Variants in PRR11 observed in about 807,000 individuals in gnomAD.
PRR11 encodes proline rich 11.
In PRR11, 30 loss-of-function variants were observed where a neutral mutation model predicts 45.6. The observed-to-expected ratio is 0.66, with a 90% CI of 0.49 to 0.89. The LOEUF (loss-of-function observed/expected upper bound fraction) is 0.89, where lower values mean the gene tolerates loss of function less well. PRR11 is among the 40% of genes least tolerant of loss of function. PRR11 has a pLI of 0.00. For missense variants in PRR11, 373 were observed against 424.8 expected (o/e 0.88, Z 1.07); for synonymous variants, 128 against 153.5 (o/e 0.83, Z 1.23).
rs540624156 is a variant in PRR11 at position 59,179,582 on chromosome 17, G to T, written c.129-5472G>T. 2.2e-3 allele frequency: 3,213 copies of T among 1,486,678 alleles called. 9 individuals carry two copies. The highest frequency in any genetic ancestry group is 2.5e-3 in the Non-Finnish European group (2,729 of 1,100,732). 92.1% of individuals were successfully genotyped at this position (1,486,678 alleles called of 1,614,324 possible). ...CATATTTTTCCCATTGGAAAAGTGT[G>T]GTTATTGGAAGTTTCCTCTTTTTTA... On this transcript the variant is annotated intron_variant, in intron 2 of 9. Coordinates refer to ENST00000262293, the MANE Select transcript of PRR11 (RefSeq NM_018304.4).
At chr17:59,179,733 G>C (rs1056810353) in intron 2 of PRR11, 1 of 1,413,392 alleles carries the variant, frequency 7.1e-7, no homozygotes, top group Non-Finnish European at 9.8e-7. Context: ...AGCCCACACA[G>C]CGTCTCCGCC....
rs151332806 is a variant in PRR11, at chr17:59,177,363, A to G, written c.128+7483A>G. 1.2e-3 allele frequency: 635 copies of G among 531,100 alleles called. 5 individuals carry two copies. Among genetic ancestry groups the G allele is most frequent in the African/African-American group, 0.011 (589 of 52,024 alleles). The allele number at this position is 531,100 out of a possible 1,614,324, so 32.9% of individuals were successfully genotyped here. A position where few individuals can be genotyped will look rare whatever the true frequency, so the allele number is the denominator to read the frequency against. Reference sequence around the variant, plus strand: ...GGAGGGTTTGCCCATCAGAGAAGGGACCTGAGTGTTGGGGTGACTGTGCTC... The same window carrying G: ...GGAGGGTTTGCCCATCAGAGAAGGGGCCTGAGTGTTGGGGTGACTGTGCTC... On this transcript the variant is annotated intron_variant, in intron 2 of 9. Coordinates refer to ENST00000262293, the MANE Select transcript of PRR11 (RefSeq NM_018304.4).
Position 59,195,248 on chromosome 17 carries a change from C to G in PRR11, c.745-83C>G, listed in dbSNP as rs2046860089. On this transcript the variant is annotated intron_variant, in intron 6 of 9. Coordinates refer to ENST00000262293, the MANE Select transcript of PRR11 (RefSeq NM_018304.4). ...ATATATCTTACACAAACTCAGCACT[C>G]AGATATTTGCCGTTTTTGCATGTTT... is the stretch of plus-strand genomic sequence containing the variant. 3.8e-6 allele frequency: 4 copies of G among 1,048,332 alleles called. No homozygotes were observed. In the East Asian group the frequency reaches 1.0e-4, roughly 27 times the overall value. The allele number at this position is 1,048,332 out of a possible 1,614,324, so 64.9% of individuals were successfully genotyped here.
At chr17:59,164,158 T>C (rs1400035820) in intron 1 of PRR11, among the ~76,000 whole-genome samples, 3 of 152,326 alleles carry the variant, frequency 2.0e-5, no homozygotes, top group African/African-American at 7.2e-5. Context: ...TTGAGTATTG[T>C]CTATGACTGC....
At chr17:59,181,501 GTCC>G (rs2046786415) in intron 2 of PRR11, 1 of 1,134,686 alleles carries the variant, frequency 8.8e-7, no homozygotes, top group Admixed American at 1.8e-5. Context: ...TCTCTGGGGT[GTCC>G]TCCTACCAAG....
chr17:59,176,684 CTTTTTTTTTTTTTTTTTTT>C (rs71367676), intron 2 of PRR11, among the ~76,000 whole-genome samples: 6 of 39,004 alleles, frequency 1.5e-4, no homozygotes, highest in Non-Finnish European at 2.7e-4. Flanking sequence ...GTTTTTTTGG[CTTTTTTTTTTTTTTTTTTT>C]TTTTTTTTTT....
chr17:59,205,877 C>G lies in PRR11; in HGVS notation c.*4246C>G, dbSNP rs1166943594. ...CCTGGCCAACATGGTGAAACCCCGT[C>G]TCTACCAAAAAAAATATATAAAAAT... On this transcript the variant is annotated 3_prime_UTR_variant, in exon 10 of 10. Transcript: ENST00000262293. Among the ~76,000 whole-genome samples, 1 of 132,858 alleles carries G rather than the reference C, an allele frequency of 7.5e-6. No homozygotes were observed. The highest frequency in any genetic ancestry group is 2.4e-4 in the East Asian group (1 of 4,246). The allele number at this position is 132,858 out of a possible 152,430, so 87.2% of individuals were successfully genotyped here. A position where few individuals can be genotyped will look rare whatever the true frequency, so the allele number is the denominator to read the frequency against.
chr17:59,169,980 C>T, intron 2 of PRR11, 100 bp downstream of exon 2: 1 of 1,403,580 alleles, frequency 7.1e-7, no homozygotes, highest in Non-Finnish European at 9.5e-7. Flanking sequence ...AGGCCGGGTG[C>T]AGTCATTCAT....
chr17:59,200,367 G>A (rs567007735), intron 9 of PRR11, among the ~76,000 whole-genome samples: 29 of 152,280 alleles, frequency 1.9e-4, no homozygotes, highest in Middle Eastern at 3.4e-3. Flanking sequence ...GGCTAAGGCC[G>A]GAAAGTCGCT....
intron 1 of PRR11, among the ~76,000 whole-genome samples, chr17:59,164,180 C>A (rs2046667794): frequency 6.6e-6 from 1 of 152,130 alleles, no homozygotes; most frequent in African/African-American, 2.4e-5. Context: ...TTGGTGCTAC[C>A]CTGGCAGGGT....
intron 9 of PRR11, 35 bp downstream of exon 9, chr17:59,197,824 C>T: frequency 6.3e-7 from 1 of 1,586,110 alleles, no homozygotes; most frequent in Non-Finnish European, 8.7e-7. Context: ...GGTTCCTTTG[C>T]TTGAAAATAA....
chr17:59,195,327 A>T lies in PRR11; in HGVS notation c.745-4A>T. ...TTTAATAATGTCTCATTTTATAATT[A>T]AAGCTTATACCATCGCCGAAAGCAC... On this transcript the variant is annotated splice_polypyrimidine_tract_variant and splice_region_variant and intron_variant, in intron 6 of 9. Coordinates refer to ENST00000262293, the MANE Select transcript of PRR11 (RefSeq NM_018304.4). 1 of 1,603,044 alleles carries T rather than the reference A, an allele frequency of 6.2e-7. No individual in the cohort carries two copies. Among genetic ancestry groups the T allele is most frequent in the South Asian group, 1.1e-5 (1 of 90,654 alleles).
intron 2 of PRR11, among the ~76,000 whole-genome samples, chr17:59,174,563 C>T (rs1440378819): frequency 2.0e-5 from 3 of 152,312 alleles, no homozygotes; most frequent in African/African-American, 7.2e-5. Flanking sequence ...GCAGCCCCAA[C>T]CTCCCAGGCT....
intron 5 of PRR11, among the ~76,000 whole-genome samples, chr17:59,194,455 T>C (rs887078248): frequency 2.6e-5 from 4 of 152,168 alleles, no homozygotes; most frequent in Non-Finnish European, 5.9e-5. Context: ...TCTTGTCTTA[T>C]TATAATGACT....
In PRR11 at chr17:59,204,014, A is replaced by G. The variant is rs938875789; in HGVS notation, c.*2383A>G. ...CAATAATATTTTATGGGGCGCTTAT[A>G]ATGTTTATAATATTGTAAACCACTG... On this transcript the variant is annotated 3_prime_UTR_variant, in exon 10 of 10. Transcript: ENST00000262293. 4 of 152,066 alleles carry G rather than the reference A, an allele frequency of 2.6e-5. No homozygotes were observed. The highest frequency in any genetic ancestry group is 5.9e-5 in the Non-Finnish European group (4 of 68,038). The allele number at this position is 152,066 out of a possible 1,614,324, so 9.4% of individuals were successfully genotyped here.
At chr17:59,166,260 C>T (rs1226619781) in intron 1 of PRR11, among the ~76,000 whole-genome samples, 1 of 152,190 alleles carries the variant, frequency 6.6e-6, no homozygotes, top group Admixed American at 6.5e-5. Context: ...CAATTGTTCC[C>T]ATTCAAATCT....
intron 1 of PRR11, among the ~76,000 whole-genome samples, chr17:59,165,622 G>A (rs939217771): frequency 4.0e-5 from 6 of 151,798 alleles, no homozygotes; most frequent in Non-Finnish European, 5.9e-5. Flanking sequence ...GAGAAACCCC[G>A]TCTCTACTAA....
chr17:59,186,776 A>C (rs1022539466), intron 4 of PRR11, among the ~76,000 whole-genome samples: 7 of 152,182 alleles, frequency 4.6e-5, no homozygotes, highest in Admixed American at 4.6e-4. Flanking sequence ...TATTTGCTCA[A>C]ATATCAGGAA....
intron 2 of PRR11, among the ~76,000 whole-genome samples, chr17:59,172,765 A>G (rs555123735): frequency 1.3e-5 from 2 of 152,202 alleles, no homozygotes; most frequent in Middle Eastern, 3.2e-3. Flanking sequence ...CCCGTGGGGC[A>G]GGGCTCGGGA....
Sources: allele counts gnomAD v4.1 joint callset (sites outside exome capture counted in the v4.1 genomes callset), GRCh38; gene constraint gnomAD v4.1.1; transcripts MANE v1.5; gene names NCBI Gene and HGNC (gene_info 2026-07-23, HGNC 2026-07-21).